SPHK2: variants seen among roughly 807,000 people sequenced by gnomAD.
SPHK2 encodes sphingosine kinase 2.
Under a neutral mutation model 32.3 loss-of-function variants are expected in SPHK2, and 18 were observed. The observed-to-expected ratio is 0.56, with a 90% CI of 0.39 to 0.83. The LOEUF (loss-of-function observed/expected upper bound fraction) is 0.83, where lower values mean the gene tolerates loss of function less well. Among genes scored for constraint, SPHK2 ranks in the 40% least tolerant of loss-of-function variants. SPHK2 has a pLI of 0.00. For synonymous variants in SPHK2, 462 were observed against 417.6 expected (o/e 1.11, Z -1.30); for missense variants, 850 against 908.7 (o/e 0.94, Z 0.83).
chr19:48,623,119 C>T (rs1220087546), intron 2 of SPHK2: 1 of 151,728 alleles, frequency 6.6e-6, no homozygotes, highest in Non-Finnish European at 1.5e-5. Context: ...TGGCACGTGC[C>T]TCTAGTCCCA....
At position 48,630,237 on chromosome 19, in the gene SPHK2, G is replaced by A. The variant is rs2030494183; in HGVS notation, c.*464G>A. 7.8e-7 allele frequency: 1 copy of A among 1,277,926 alleles called. No individual in the cohort carries two copies. The highest frequency in any genetic ancestry group is 9.9e-7 in the Non-Finnish European group (1 of 1,012,732). 79.2% of individuals were successfully genotyped at this position (1,277,926 alleles called of 1,614,324 possible). On this transcript the variant is annotated 3_prime_UTR_variant, in exon 7 of 7. Transcript: ENST00000245222. This position sits in a 1 kb window ranked among gnomAD's most constrained non-coding sequence, Gnocchi z 4.9. Reference sequence around the variant, plus strand: ...TTTAGCTGGCCAATCAGCCCAGGAGGGGCAGGTTCCCCGGGGCCGGCGCTA... The same window carrying A: ...TTTAGCTGGCCAATCAGCCCAGGAGAGGCAGGTTCCCCGGGGCCGGCGCTA...
intron 3 of SPHK2, 21 bp downstream of exon 3, chr19:48,626,383 T>A: frequency 6.5e-7 from 1 of 1,546,858 alleles, no homozygotes; most frequent in African/African-American, 1.4e-5. Flanking sequence ...GGGCAGCTGC[T>A]CTATCCTGGA....
At position 48,630,056 on chromosome 19, in the gene SPHK2, C is replaced by A; in HGVS notation, c.*283C>A. On this transcript the variant is annotated 3_prime_UTR_variant, in exon 7 of 7. Coordinates refer to ENST00000245222, the MANE Select transcript of SPHK2 (RefSeq NM_020126.5). This position sits in a 1 kb window ranked among gnomAD's most constrained non-coding sequence, Gnocchi z 4.9. Reference sequence around the variant, plus strand: ...TACGGGGCAGGGCTCAGTCCTGACGCTTGCCACCTGCTCCTACCCGGCCAG... The same window carrying A: ...TACGGGGCAGGGCTCAGTCCTGACGATTGCCACCTGCTCCTACCCGGCCAG... 1 of 1,296,768 alleles carries A rather than the reference C, an allele frequency of 7.7e-7. No homozygotes were observed. Among genetic ancestry groups the A allele is most frequent in the Non-Finnish European group, 9.8e-7 (1 of 1,023,808 alleles). 80.3% of individuals were successfully genotyped at this position (1,296,768 alleles called of 1,614,324 possible). A position where few individuals can be genotyped will look rare whatever the true frequency, so the allele number is the denominator to read the frequency against.
chr19:48,628,609 T>C lies in SPHK2; in HGVS notation c.873-72T>C. On this transcript the variant is annotated intron_variant, in intron 6 of 6. Coordinates refer to ENST00000245222, the MANE Select transcript of SPHK2 (RefSeq NM_020126.5). This position sits in a 1 kb window ranked among gnomAD's most constrained non-coding sequence, Gnocchi z 5.2. ...TTCGTGGTCTCATTGCCAGCTGCTT[T>C]CCTACCTGTCTCTTTCCCCAACCCC... The C allele has an allele frequency of 6.4e-7, 1 of 1,569,000 alleles. No individual in the cohort carries two copies. The highest frequency in any genetic ancestry group is 8.6e-7 in the Non-Finnish European group (1 of 1,156,180).
At chr19:48,625,426 T>G in intron 2 of SPHK2, 1 of 1,183,716 alleles carries the variant, frequency 8.4e-7, no homozygotes, top group Non-Finnish European at 1.1e-6. Flanking sequence ...GAGGTGTGTC[T>G]TTCAGTCTTT....
In SPHK2 at chr19:48,628,305, G is replaced by A. The variant is rs755672003; in HGVS notation, c.872+28G>A. On this transcript the variant is annotated intron_variant, in intron 6 of 6. Coordinates refer to ENST00000245222, the MANE Select transcript of SPHK2 (RefSeq NM_020126.5). The surrounding 1 kb of genome is among the most constrained non-coding windows in gnomAD (Gnocchi z 5.2). ...AGGTTGAGGATACCACGAAGGGAGGGATGAGCCCCTCCTGGGGTGATAGGG... is the reference window on the plus strand; with the variant it reads ...AGGTTGAGGATACCACGAAGGGAGGAATGAGCCCCTCCTGGGGTGATAGGG... 1.3e-6 allele frequency: 2 copies of A among 1,597,410 alleles called. No homozygotes were observed. The highest frequency in any genetic ancestry group is 1.7e-6 in the Non-Finnish European group (2 of 1,166,950).
rs1173265152 is a variant in SPHK2, at chr19:48,625,994, C to T, written c.143C>T (p.Thr48Ile). The T allele has an allele frequency of 1.2e-6, 2 of 1,613,298 alleles. No individual in the cohort carries two copies. The highest frequency in any genetic ancestry group is 8.5e-7 in the Non-Finnish European group (1 of 1,179,912). The stretch of plus-strand genomic sequence containing the variant: ...CCCCCACCGCCACTGGCTGCCAGCA[C>T]CCCGCTCCTCCATGGCGAGTTTGGC... The part of the protein sequence containing the change: ...APPPPPLAAS[T>I]PLLHGEFGSY... Residue 48 changes from threonine (T) to isoleucine (I), a missense_variant, in exon 3 of 7, where the codon ACC (threonine) becomes ATC (isoleucine). By Grantham distance (89) the Thr-to-Ile change is moderately conservative. Coordinates refer to ENST00000245222, the MANE Select transcript of SPHK2 (RefSeq NM_020126.5).
chr19:48,620,652 G>C, intron 2 of SPHK2, 99 bp downstream of exon 2: 1 of 1,059,702 alleles, frequency 9.4e-7, no homozygotes, highest in Non-Finnish European at 1.4e-6. Context: ...GGCCAGGCGT[G>C]GTAGCTCAAG....
chr19:48,620,243 C>T, intron 1 of SPHK2, 159 bp from the exon 2 acceptor site: 1 of 454,890 alleles, frequency 2.2e-6, no homozygotes, highest in South Asian at 4.0e-5. Context: ...TTGTGTGCAA[C>T]CAGATGGACT....
At position 48,629,038 on chromosome 19, in the gene SPHK2, C is replaced by G. The variant is rs2030293379; in HGVS notation, c.1230C>G (p.Pro410=). Residue 410 remains proline (P), a synonymous_variant, in exon 7 of 7, where the codon CCC becomes CCG. Transcript: ENST00000245222. The part of the protein sequence containing the change: ...ELTLTPDPAP[P]MAHSPLHRSV... ...CCCTAACCCCAGACCCAGCCCCGCC[C>G]ATGGCCCACTCACCCCTGCATCGTT... 6.2e-7 allele frequency: 1 copy of G among 1,613,258 alleles called. No individual in the cohort carries two copies. Among genetic ancestry groups the G allele is most frequent in the South Asian group, 1.1e-5 (1 of 91,064 alleles).
At chr19:48,621,741 A>G (rs891960211) in intron 2 of SPHK2, among the ~76,000 whole-genome samples, 17 of 152,224 alleles carry the variant, frequency 1.1e-4, no homozygotes, top group Admixed American at 1.0e-3. Context: ...AGGGGGAAGC[A>G]TATTATAGCA....
At chr19:48,625,206 T>G in intron 2 of SPHK2, 1 of 1,038,684 alleles carries the variant, frequency 9.6e-7, no homozygotes, top group Non-Finnish European at 1.2e-6. Context: ...GTACCCCTCC[T>G]ATTTGCTCTC....
At position 48,628,073 on chromosome 19, in the gene SPHK2, G is replaced by A. The variant is rs765185855; in HGVS notation, c.756+4G>A. On this transcript the variant is annotated splice_donor_region_variant and intron_variant, in intron 5 of 6. Coordinates refer to ENST00000245222, the MANE Select transcript of SPHK2 (RefSeq NM_020126.5). This position sits in a 1 kb window ranked among gnomAD's most constrained non-coding sequence, Gnocchi z 5.2. ...GGGAGACGGGCTGCTCCATGAGGTA[G>A]AGCAGGAGCACCCTGCCCCTAGCCC... 2.5e-6 allele frequency: 4 copies of A among 1,583,220 alleles called. No homozygotes were observed. The highest frequency in any genetic ancestry group is 2.3e-5 in the South Asian group (2 of 87,996).
chr19:48,627,777 G>A lies in SPHK2; in HGVS notation c.597G>A (p.Trp199Ter). 6.2e-7 allele frequency: 1 copy of A among 1,613,978 alleles called. No individual in the cohort carries two copies. Among genetic ancestry groups the A allele is most frequent in the Non-Finnish European group, 8.5e-7 (1 of 1,179,948 alleles). ...PFGGRGLAWQ[W>*]CKNHVLPMIS... ...GGGGTCGGGGCCTGGCCTGGCAGTG[G>A]TGTAAGAACCACGTGCTTCCCATGA... Residue 199 changes from tryptophan to a stop codon, truncating the protein, a stop_gained, in exon 4 of 7, where the codon TGG (tryptophan) becomes TGA (stop). Coordinates refer to ENST00000245222, the MANE Select transcript of SPHK2 (RefSeq NM_020126.5). LOFTEE classifies it high-confidence loss of function.
Position 48,630,402 on chromosome 19 carries a change from C to T in SPHK2, c.*629C>T. Reference sequence around the variant, plus strand: ...CAATAAAGGCAGTCGCTTCATTCCTCTCAGACCTTCTGCCCTTCCTCCATC... The same window carrying T: ...CAATAAAGGCAGTCGCTTCATTCCTTTCAGACCTTCTGCCCTTCCTCCATC... On this transcript the variant is annotated 3_prime_UTR_variant, in exon 7 of 7. Coordinates refer to ENST00000245222, the MANE Select transcript of SPHK2 (RefSeq NM_020126.5). The surrounding 1 kb of genome is among the most constrained non-coding windows in gnomAD (Gnocchi z 4.9). 1 of 1,407,938 alleles carries T rather than the reference C, an allele frequency of 7.1e-7. No individual in the cohort carries two copies. Among genetic ancestry groups the T allele is most frequent in the Non-Finnish European group, 9.2e-7 (1 of 1,084,474 alleles). 87.2% of individuals were successfully genotyped at this position (1,407,938 alleles called of 1,614,324 possible).
chr19:48,628,632 C>T lies in SPHK2; in HGVS notation c.873-49C>T. ...TTTCCTACCTGTCTCTTTCCCCAACCCCTGTTTGCTCCTTCCTTCTGTGTG... is the reference window on the plus strand; with the variant it reads ...TTTCCTACCTGTCTCTTTCCCCAACTCCTGTTTGCTCCTTCCTTCTGTGTG... On this transcript the variant is annotated intron_variant, in intron 6 of 6. Coordinates refer to ENST00000245222, the MANE Select transcript of SPHK2 (RefSeq NM_020126.5). This position sits in a 1 kb window ranked among gnomAD's most constrained non-coding sequence, Gnocchi z 5.2. 1 of 1,591,658 alleles carries T rather than the reference C, an allele frequency of 6.3e-7. No homozygotes were observed. The highest frequency in any genetic ancestry group is 1.3e-5 in the African/African-American group (1 of 74,786).
At chr19:48,627,112 C>T (rs986407379) in intron 3 of SPHK2, among the ~76,000 whole-genome samples, 5 of 152,136 alleles carry the variant, frequency 3.3e-5, no homozygotes, top group South Asian at 2.1e-4. Flanking sequence ...CCATCCTGGG[C>T]GACAAGACCG....
In SPHK2 at chr19:48,628,105, C is replaced by T. The variant is rs1327161875; in HGVS notation, c.756+36C>T. The T allele has an allele frequency of 6.3e-7, 1 of 1,582,602 alleles. No individual in the cohort carries two copies. The highest frequency in any genetic ancestry group is 8.6e-7 in the Non-Finnish European group (1 of 1,160,918). On this transcript the variant is annotated intron_variant, in intron 5 of 6. Transcript: ENST00000245222. This position sits in a 1 kb window ranked among gnomAD's most constrained non-coding sequence, Gnocchi z 5.2. ...AGCACCCTGCCCCTAGCCCTGGGCC[C>T]TGGGGGACTATAGAGACTGCCACCA... is the stretch of plus-strand genomic sequence containing the variant.
In SPHK2 at chr19:48,628,727, T is replaced by C; in HGVS notation, c.919T>C (p.Leu307=). Reference sequence around the variant, plus strand: ...CGACCTGTTGCTCAACTGCTCACTGTTGCTGTGCCGGGGTGGTGGCCACCC... The same window carrying C: ...CGACCTGTTGCTCAACTGCTCACTGCTGCTGTGCCGGGGTGGTGGCCACCC... The part of the protein sequence containing the change: ...GLDLLLNCSL[L]LCRGGGHPLD... The change falls in exon 7 of 7, where the codon TTG becomes CTG. Residue 307 remains leucine (L), a synonymous_variant. Coordinates refer to ENST00000245222, the MANE Select transcript of SPHK2 (RefSeq NM_020126.5). The surrounding 1 kb of genome is among the most constrained non-coding windows in gnomAD (Gnocchi z 5.2). The C allele has an allele frequency of 1.9e-6, 3 of 1,613,088 alleles. No homozygotes were observed. The highest frequency in any genetic ancestry group is 2.2e-5 in the South Asian group (2 of 91,088).
Sources: allele counts gnomAD v4.1 joint callset (sites outside exome capture counted in the v4.1 genomes callset), GRCh38; gene constraint gnomAD v4.1.1; non-coding constraint Gnocchi (gnomAD v3.1); transcripts MANE v1.5; gene names NCBI Gene and HGNC (gene_info 2026-07-23, HGNC 2026-07-21).